Variants in PIK3CD observed in about 807,000 individuals in gnomAD.
PIK3CD encodes the protein phosphatidylinositol 4,5-bisphosphate 3-kinase catalytic subunit delta isoform.
PIK3CD carries 20 observed loss-of-function variants against 122.9 expected under a neutral mutation model. That is an observed-to-expected ratio of 0.16 (90% CI 0.11 to 0.24). The LOEUF (loss-of-function observed/expected upper bound fraction) is 0.24, where lower values mean the gene tolerates loss of function less well. PIK3CD is among the 10% of genes least tolerant of loss of function. PIK3CD has a pLI of 1.00. For missense variants in PIK3CD, 787 were observed against 1,406.3 expected (o/e 0.56, Z 7.04); for synonymous variants, 596 against 593.4 (o/e 1.00, Z -0.06).
At chr1:9,681,330 T>C (rs1455319387) in intron 1 of PIK3CD, among the ~76,000 whole-genome samples, 2 of 151,724 alleles carry the variant, frequency 1.3e-5, no homozygotes, top group African/African-American at 4.9e-5. Flanking sequence ...CTCCAGCTCC[T>C]GGGCTCAAGC....
intron 2 of PIK3CD, among the ~76,000 whole-genome samples, chr1:9,706,823 C>CT (rs201679729): frequency 0.012 from 1,635 of 137,638 alleles, 29 homozygotes; most frequent in East Asian, 0.045. Context: ...TTACTTTTTT[C>CT]TTTTTTTTTT....
At chr1:9,642,098 A>T in the PIK3CD span, among the ~76,000 whole-genome samples, 1 of 151,770 alleles carries the variant, frequency 6.6e-6, no homozygotes, top group African/African-American at 2.4e-5. Context: ...TCTATTTTTT[A>T]ATTTAATTTA....
At chr1:9,644,093 G>A in the PIK3CD span, among the ~76,000 whole-genome samples, 1 of 152,218 alleles carries the variant, frequency 6.6e-6, no homozygotes, top group Non-Finnish European at 1.5e-5. Context: ...GTGGGTGGTG[G>A]TGGTGAAGCC....
chr1:9,647,240 C>A (rs1644617115), upstream of PIK3CD, among the ~76,000 whole-genome samples: 1 of 151,162 alleles, frequency 6.6e-6, no homozygotes, highest in Admixed American at 6.6e-5. Flanking sequence ...ATGACAAAAC[C>A]CTGTCTCTAC....
intron 1 of PIK3CD, among the ~76,000 whole-genome samples, chr1:9,669,310 C>T (rs1645253023): frequency 6.6e-6 from 1 of 152,058 alleles, no homozygotes; most frequent in Non-Finnish European, 1.5e-5. Flanking sequence ...AGGCATATGC[C>T]ACCACACCCG....
chr1:9,668,913 C>T (rs1467144255), intron 1 of PIK3CD, among the ~76,000 whole-genome samples: 2 of 152,148 alleles, frequency 1.3e-5, no homozygotes, highest in Admixed American at 6.6e-5. Context: ...CTCCAGGACT[C>T]TGAGTCTGCT....
chr1:9,690,308 G>T (rs1188936668), intron 1 of PIK3CD, among the ~76,000 whole-genome samples: 2 of 152,174 alleles, frequency 1.3e-5, no homozygotes, highest in East Asian at 3.8e-4. Flanking sequence ...TTCCTGACCC[G>T]AATTCCTGAG....
At chr1:9,642,153 C>T in the PIK3CD span, among the ~76,000 whole-genome samples, 1 of 151,940 alleles carries the variant, frequency 6.6e-6, no homozygotes, top group Non-Finnish European at 1.5e-5. Context: ...CACTCTGTTG[C>T]CCAGGCTGGA....
Position 9,710,379 on chromosome 1 carries a change from C to G in PIK3CD, c.-32-45C>G. ...AGGGAGTCCCTTCCAAAGGTCTCAC[C>G]CAGCTCAGCTGAGGTAACTCATTTT... On this transcript the variant is annotated intron_variant, in intron 2 of 23. Transcript: ENST00000377346. The surrounding 1 kb of genome is among the most constrained non-coding windows in gnomAD (Gnocchi z 4.7). 2.7e-6 allele frequency: 4 copies of G among 1,508,876 alleles called. No homozygotes were observed. The highest frequency in any genetic ancestry group is 3.7e-6 in the Non-Finnish European group (4 of 1,086,120). The allele number at this position is 1,508,876 out of a possible 1,614,324, so 93.5% of individuals were successfully genotyped here.
chr1:9,636,644 G>A, the PIK3CD span, among the ~76,000 whole-genome samples: 12 of 152,296 alleles, frequency 7.9e-5, no homozygotes, highest in East Asian at 9.7e-4. Flanking sequence ...AGAAGGCAGC[G>A]GCTGGCCCTC....
intron 1 of PIK3CD, among the ~76,000 whole-genome samples, chr1:9,684,895 A>G (rs1645909625): frequency 6.7e-6 from 1 of 149,904 alleles, no homozygotes; most frequent in African/African-American, 2.4e-5. Flanking sequence ...AGCAATGCAA[A>G]CCCAAGCTTT....
At position 9,653,903 on chromosome 1, in the gene PIK3CD, G is replaced by T. The variant is rs375579975; in HGVS notation, c.-138+2101G>T. The T allele has an allele frequency of 3.3e-5, 45 of 1,367,058 alleles. No homozygotes were observed. In the African/African-American group the frequency reaches 5.8e-4, roughly 18 times the overall value. The allele number at this position is 1,367,058 out of a possible 1,614,324, so 84.7% of individuals were successfully genotyped here. On this transcript the variant is annotated intron_variant, in intron 1 of 23. Transcript: ENST00000377346. ...GAAGACACTGGAGTGGGCTGGAGGA[G>T]TGCTCTTAAAACCCAGTTGTGGCTG...
In PIK3CD at chr1:9,665,262, C is replaced by T. The variant is rs75779896; in HGVS notation, c.-138+13460C>T. On this transcript the variant is annotated intron_variant, in intron 1 of 23. Coordinates refer to ENST00000377346, the MANE Select transcript of PIK3CD (RefSeq NM_005026.5). Reference sequence around the variant, plus strand: ...TTTCATGTTCTTCAGTCATATCCATCATAGGGGTAGCTTTGGTGAATGTCC... The same window carrying T: ...TTTCATGTTCTTCAGTCATATCCATTATAGGGGTAGCTTTGGTGAATGTCC... Among the ~76,000 whole-genome samples the T allele has an allele frequency of 1.8e-3, 261 of 148,714 alleles. 1 individual carries two copies. Among genetic ancestry groups the T allele is most frequent in the African/African-American group, 6.3e-3 (254 of 40,248 alleles).
In PIK3CD at chr1:9,723,780, C is replaced by G. The variant is rs1649061397; in HGVS notation, c.2595-189C>G. On this transcript the variant is annotated intron_variant, in intron 20 of 23. Transcript: ENST00000377346. This position sits in a 1 kb window ranked among gnomAD's most constrained non-coding sequence, Gnocchi z 4.9. ...GTATTGAGGGTATGGGGTTCAAGAT[C>G]TGCAGGGGTCTTCATGCCTTGGCTC... Among the ~76,000 whole-genome samples, 1 of 152,196 alleles carries G rather than the reference C, an allele frequency of 6.6e-6. No homozygotes were observed.
the PIK3CD span, among the ~76,000 whole-genome samples, chr1:9,630,739 T>TGTGCGC: frequency 1.3e-4 from 19 of 150,964 alleles, no homozygotes; most frequent in African/African-American, 4.1e-4. Flanking sequence ...TGTGTGTGTG[T>TGTGCGC]GCAGAAGAGG....
At chr1:9,694,457 C>T (rs549681896) in intron 2 of PIK3CD, among the ~76,000 whole-genome samples, 1 of 152,160 alleles carries the variant, frequency 6.6e-6, no homozygotes. Context: ...TCGCTTGAAC[C>T]TGGGAGGTGG....
At chr1:9,703,847 A>G (rs1646738523) in intron 2 of PIK3CD, among the ~76,000 whole-genome samples, 1 of 152,232 alleles carries the variant, frequency 6.6e-6, no homozygotes, top group African/African-American at 2.4e-5. Context: ...TTTGATAAAT[A>G]TACATGTATT....
intron 1 of PIK3CD, chr1:9,653,632 TTTGA>T: frequency 4.6e-6 from 2 of 438,962 alleles, no homozygotes; most frequent in South Asian, 3.7e-5. Context: ...CCCTCCCCAA[TTTGA>T]TTGATGTGTT....
upstream of PIK3CD, among the ~76,000 whole-genome samples, chr1:9,650,979 G>A (rs1644660508): frequency 6.6e-6 from 1 of 152,122 alleles, no homozygotes; most frequent in Admixed American, 6.6e-5. Flanking sequence ...GAGTAGCTGG[G>A]ACTACAAGGT....
Sources: gnomAD v4.1 joint callset for allele counts (sites outside exome capture counted in the v4.1 genomes callset) on GRCh38, gnomAD v4.1.1 for gene constraint, Gnocchi (gnomAD v3.1) non-coding constraint, MANE v1.5 for transcripts, NCBI Gene and HGNC (gene_info 2026-07-23, HGNC 2026-07-21) for gene names.